The following RGS7 variants were observed in gnomAD, a reference collection of about 807,000 sequenced individuals.
The protein encoded by RGS7 is regulator of G protein signaling 7.
Under a neutral mutation model 81.1 loss-of-function variants are expected in RGS7, and 27 were observed. The ratio of observed to expected loss-of-function variants is 0.33; its 90% CI spans 0.25 to 0.46. The LOEUF is 0.46. RGS7 is among the 20% of genes least tolerant of loss of function. The pLI is 1.00. For missense variants in RGS7, 396 were observed against 607.4 expected, an observed-to-expected ratio of 0.65 and a Z score of 3.66; for synonymous variants, 208 against 207.7, an observed-to-expected ratio of 1.00 and a Z score of -0.01.
At chr1:241,057,271 C>T (rs2061520743) in intron 3 of RGS7, among the ~76,000 whole-genome samples, 1 of 152,152 alleles carries the variant, frequency 6.6e-6, no homozygotes. Context: ...TCCAGTCCCA[C>T]CTCTCACCTT....
intron 4 of RGS7, among the ~76,000 whole-genome samples, chr1:240,952,827 T>C (rs995481331): frequency 3.3e-3 from 31 of 9,516 alleles, no homozygotes; most frequent in African/African-American, 5.8e-3. Flanking sequence ...GACTCATATA[T>C]GTTAAAAGGG....
At chr1:240,858,939 G>A (rs1390764369) in intron 9 of RGS7, among the ~76,000 whole-genome samples, 3 of 152,148 alleles carry the variant, frequency 2.0e-5, no homozygotes, top group Admixed American at 6.5e-5. Context: ...AGACATTGGT[G>A]TGTAGTTTTC....
intron 3 of RGS7, among the ~76,000 whole-genome samples, chr1:241,089,907 T>TG (rs954001594): frequency 6.9e-6 from 1 of 145,984 alleles, no homozygotes; most frequent in Non-Finnish European, 1.5e-5. Context: ...GGCAGGAGAA[T>TG]GGCGTGAACC....
At chr1:241,178,337 C>T (rs1250756011) in intron 2 of RGS7, among the ~76,000 whole-genome samples, 1 of 151,960 alleles carries the variant, frequency 6.6e-6, no homozygotes, top group Non-Finnish European at 1.5e-5. Context: ...AGAAAAGATT[C>T]TAGGAGACAG....
intron 10 of RGS7, among the ~76,000 whole-genome samples, chr1:240,822,357 C>G (rs531389271): frequency 6.6e-6 from 1 of 152,084 alleles, no homozygotes; most frequent in Non-Finnish European, 1.5e-5. Context: ...GAAAAACAGG[C>G]AGGGGATGTC....
chr1:240,804,938 C>T (rs1040436415), intron 15 of RGS7, among the ~76,000 whole-genome samples: 3 of 152,116 alleles, frequency 2.0e-5, no homozygotes, highest in Non-Finnish European at 2.9e-5. Context: ...GAAGGATATT[C>T]GTGTATCTCA....
At chr1:241,186,084 C>T (rs575991544) in intron 2 of RGS7, among the ~76,000 whole-genome samples, 2 of 152,096 alleles carry the variant, frequency 1.3e-5, no homozygotes, top group East Asian at 3.9e-4. Context: ...GCCAGATTGA[C>T]CAAGATAAAC....
intron 2 of RGS7, among the ~76,000 whole-genome samples, chr1:241,322,313 G>T (rs1025306911): frequency 6.6e-6 from 1 of 152,212 alleles, no homozygotes; most frequent in African/African-American, 2.4e-5. Context: ...TTTACAAAAT[G>T]ATTCAGAAGG....
intron 2 of RGS7, among the ~76,000 whole-genome samples, chr1:241,134,568 G>A (rs2067353618): frequency 6.6e-6 from 1 of 152,140 alleles, no homozygotes; most frequent in South Asian, 2.1e-4. Flanking sequence ...AGAATAGAAT[G>A]GATATTAGAT....
chr1:240,846,174 G>C (rs1362943034), intron 9 of RGS7, among the ~76,000 whole-genome samples: 2 of 152,092 alleles, frequency 1.3e-5, no homozygotes, highest in Admixed American at 1.3e-4. Flanking sequence ...TCTTCTTATG[G>C]GGAACAGTTA....
chr1:241,282,905 C>T (rs1460565599), intron 2 of RGS7, among the ~76,000 whole-genome samples: 1 of 152,018 alleles, frequency 6.6e-6, no homozygotes, highest in African/African-American at 2.4e-5. Context: ...ATTTTCCATC[C>T]TTCACCTCCT....
chr1:240,827,528 G>A (rs1196248030), intron 9 of RGS7, among the ~76,000 whole-genome samples: 3 of 152,134 alleles, frequency 2.0e-5, no homozygotes, highest in African/African-American at 4.8e-5. Flanking sequence ...CCCCTTGCTG[G>A]TTTTCTGCAG....
intron 2 of RGS7, among the ~76,000 whole-genome samples, chr1:241,167,130 C>T (rs550310002): frequency 1.5e-4 from 23 of 152,176 alleles, no homozygotes; most frequent in East Asian, 1.2e-3. Flanking sequence ...TACACAGACC[C>T]GGGGGAGAGG....
At chr1:240,897,607 C>T (rs1440687619) in intron 6 of RGS7, among the ~76,000 whole-genome samples, 2 of 152,236 alleles carry the variant, frequency 1.3e-5, no homozygotes, top group African/African-American at 4.8e-5. Context: ...TATGTTGAAC[C>T]AGCCTTGCAT....
intron 6 of RGS7, among the ~76,000 whole-genome samples, chr1:240,930,284 T>C (rs985634035): frequency 1.4e-5 from 2 of 146,186 alleles, no homozygotes; most frequent in South Asian, 2.3e-4. Flanking sequence ...CCTCCACCTA[T>C]AAAAATCATA....
intron 2 of RGS7, among the ~76,000 whole-genome samples, chr1:241,300,705 AC>A (rs2079699979): frequency 6.6e-6 from 1 of 152,264 alleles, no homozygotes; most frequent in Admixed American, 6.5e-5. Flanking sequence ...GCAATTATGA[AC>A]AAAGCTGCTA....
chr1:241,087,905 T>C (rs1436113113), intron 3 of RGS7, among the ~76,000 whole-genome samples: 2 of 150,520 alleles, frequency 1.3e-5, no homozygotes, highest in Non-Finnish European at 3.0e-5. Flanking sequence ...GCTGAGATCA[T>C]GCAACTGCAC....
intron 2 of RGS7, among the ~76,000 whole-genome samples, chr1:241,100,312 T>C (rs531157302): frequency 4.9e-4 from 72 of 148,350 alleles, no homozygotes; most frequent in Non-Finnish European, 9.6e-4. Flanking sequence ...GAGGCAGAGC[T>C]TGCAGTGAGC....
At chr1:240,994,254 G>A (rs921233499) in intron 3 of RGS7, among the ~76,000 whole-genome samples, 2 of 152,102 alleles carry the variant, frequency 1.3e-5, no homozygotes, top group Admixed American at 6.5e-5. Context: ...CATTAAACTT[G>A]TGTATCAATT....
Sources: allele counts gnomAD v4.1 joint callset (sites outside exome capture counted in the v4.1 genomes callset), GRCh38; gene constraint gnomAD v4.1.1; transcripts MANE v1.5; gene names NCBI Gene and HGNC (gene_info 2026-07-23, HGNC 2026-07-21).